Variants in VPS25 observed in about 807,000 individuals in gnomAD.
VPS25 encodes vacuolar protein sorting 25 homolog.
Under a neutral mutation model 30.3 loss-of-function variants are expected in VPS25, and 21 were observed. The observed-to-expected ratio is 0.69, with a 90% confidence interval of 0.49 to 1.00. VPS25 has a LOEUF of 1.00. Ranked by LOEUF, VPS25 falls within the 50% of genes least tolerant of loss-of-function variation. VPS25 has a pLI of 0.00. For missense variants in VPS25, 156 were observed against 217.2 expected, an observed-to-expected ratio of 0.72 and a Z score of 1.77; for synonymous variants, 101 against 88.1, an observed-to-expected ratio of 1.15 and a Z score of -0.82.
At chr17:42,776,528 A>C (rs375763816) in intron 5 of VPS25, among the ~76,000 whole-genome samples, 3 of 151,534 alleles carry the variant, frequency 2.0e-5, no homozygotes, top group African/African-American at 7.3e-5. Flanking sequence ...ACGCCTGGCT[A>C]ATTTTTTGTA....
intron 5 of VPS25, 146 bp downstream of exon 5, chr17:42,776,466 G>A (rs1020649671): frequency 7.4e-6 from 5 of 672,370 alleles, no homozygotes; most frequent in Middle Eastern, 4.4e-4. Context: ...AGGTTGAAGC[G>A]ATTCTCCTGC....
rs904037111 is a variant in VPS25 at position 42,775,362 on chromosome 17, A to G, written c.254-19A>G. 6.2e-7 allele frequency: 1 copy of G among 1,608,676 alleles called. No individual in the cohort carries two copies. The highest frequency in any genetic ancestry group is 8.5e-7 in the Non-Finnish European group (1 of 1,175,488). On this transcript the variant is annotated intron_variant, in intron 3 of 5. Transcript: ENST00000253794. ...CCACTGCGCGCCTGGTTATGCTTTCATAAGTATCTGTTTTACAGGGAACCT... is the reference window on the plus strand; with the variant it reads ...CCACTGCGCGCCTGGTTATGCTTTCGTAAGTATCTGTTTTACAGGGAACCT...
chr17:42,779,047 G>T lies in VPS25; in HGVS notation c.509G>T (p.Gly170Val), dbSNP rs11545382. The change falls in exon 6 of 6, where the codon GGC (glycine) becomes GTC (valine). Residue 170 changes from glycine to valine, a missense_variant. Coordinates refer to ENST00000253794, the MANE Select transcript of VPS25 (RefSeq NM_032353.4). ...GCCGAGATCATCACTGTCAGCGATG[G>T]CCGAGGCGTCAAGTTCTTCTAGCAG... ...HKAEIITVSD[G>V]RGVKFF 1.2e-6 allele frequency: 2 copies of T among 1,613,822 alleles called. No individual in the cohort carries two copies. Among genetic ancestry groups the T allele is most frequent in the Non-Finnish European group, 1.7e-6 (2 of 1,179,896 alleles).
At chr17:42,775,526 A>C in intron 4 of VPS25, 57 bp downstream of exon 4, 8 of 1,425,296 alleles carry the variant, frequency 5.6e-6, no homozygotes, top group Non-Finnish European at 6.9e-6. Context: ...GGTTAACTAT[A>C]TTAGGGCCTA....
chr17:42,775,263 C>A, intron 3 of VPS25, 118 bp from the exon 4 acceptor site: 1 of 695,702 alleles, frequency 1.4e-6, no homozygotes, highest in Non-Finnish European at 2.5e-6. Flanking sequence ...TGTAGGGTCT[C>A]ATCATGTTGC....
intron 2 of VPS25, 125 bp downstream of exon 2, chr17:42,774,003 C>T (rs748334497): frequency 8.5e-7 from 1 of 1,176,492 alleles, no homozygotes; most frequent in Middle Eastern, 2.0e-4. Flanking sequence ...CCAAACTGGA[C>T]TTAAAGAGTG....
At chr17:42,778,820 G>T in intron 5 of VPS25, 137 bp from the exon 6 acceptor site, 1 of 653,234 alleles carries the variant, frequency 1.5e-6, no homozygotes. Context: ...CCTGGGAAGT[G>T]TGGATGGCAG....
intron 3 of VPS25, 97 bp downstream of exon 3, chr17:42,774,796 C>T: frequency 3.5e-6 from 4 of 1,136,144 alleles, no homozygotes; most frequent in Non-Finnish European, 5.1e-6. Flanking sequence ...AACTTTTTCT[C>T]TCTCCTGGCT....
rs763768096 is a variant in VPS25, at chr17:42,774,638, T to A, written c.200-8T>A. The A allele has an allele frequency of 4.3e-6, 7 of 1,612,488 alleles. No homozygotes were observed. In the South Asian group the frequency reaches 6.6e-5, roughly 15 times the overall value. ...CATGTGTATGCCGTTCCCTTAACCT[T>A]AAACCAGGAAAGCTTCCTGTGGAGT... On this transcript the variant is annotated splice_region_variant and splice_polypyrimidine_tract_variant and intron_variant, in intron 2 of 5. Coordinates refer to ENST00000253794, the MANE Select transcript of VPS25 (RefSeq NM_032353.4).
At chr17:42,778,520 A>C (rs1220682062) in intron 5 of VPS25, among the ~76,000 whole-genome samples, 1 of 152,180 alleles carries the variant, frequency 6.6e-6, no homozygotes, top group Non-Finnish European at 1.5e-5. Flanking sequence ...AAGGGCAGAT[A>C]ATAGTGCTGG....
At chr17:42,774,540 T>C (rs933800704) in intron 2 of VPS25, 106 bp from the exon 3 acceptor site, 22 of 817,570 alleles carry the variant, frequency 2.7e-5, no homozygotes, top group African/African-American at 5.1e-5. Flanking sequence ...TGCACACATA[T>C]GTGTGTGGGA....
chr17:42,776,562 C>A (rs2054436895), intron 5 of VPS25, among the ~76,000 whole-genome samples: 1 of 151,946 alleles, frequency 6.6e-6, no homozygotes, highest in Non-Finnish European at 1.5e-5. Context: ...TGGGGTTTCA[C>A]CATGTTAGCC....
At chr17:42,778,708 G>C (rs1411914903) in intron 5 of VPS25, among the ~76,000 whole-genome samples, 3 of 152,322 alleles carry the variant, frequency 2.0e-5, no homozygotes, top group Middle Eastern at 3.4e-3. Flanking sequence ...TGCTAGGTGT[G>C]GGGGAGGCTG....
At chr17:42,774,458 A>T in intron 2 of VPS25, 188 bp from the exon 3 acceptor site, 1 of 449,332 alleles carries the variant, frequency 2.2e-6, no homozygotes, top group Non-Finnish European at 4.0e-6. Flanking sequence ...GCTCCTTTTA[A>T]TTGGAAGAGT....
chr17:42,776,397 C>G (rs2054435905), intron 5 of VPS25, 77 bp downstream of exon 5: 3 of 1,400,670 alleles, frequency 2.1e-6, no homozygotes, highest in Admixed American at 1.9e-5. Context: ...GAGTCTTGCT[C>G]TGTCACCCAG....
intron 3 of VPS25, chr17:42,775,046 C>CT (rs1370477062): frequency 5.6e-4 from 197 of 350,808 alleles, no homozygotes; most frequent in East Asian, 9.1e-4. Context: ...GTTCATGATA[C>CT]TTTTTTTTTG....
rs561022536 is a variant in VPS25 at position 42,779,291 on chromosome 17, C to T, written c.*222C>T. 21 of 501,360 alleles carry T rather than the reference C, an allele frequency of 4.2e-5. No individual in the cohort carries two copies. The East Asian group carries it at 4.3e-4, about 10-fold the overall frequency. The allele number at this position is 501,360 out of a possible 1,614,324, so 31.1% of individuals were successfully genotyped here. ...CAGGGAGAAAATATGTGCTTCTTCT[C>T]GCCCTACCTCCTTTCCCATCCTAGA... On this transcript the variant is annotated 3_prime_UTR_variant, in exon 6 of 6. Coordinates refer to ENST00000253794, the MANE Select transcript of VPS25 (RefSeq NM_032353.4).
At chr17:42,774,996 G>T in intron 3 of VPS25, 1 of 394,690 alleles carries the variant, frequency 2.5e-6, no homozygotes. Flanking sequence ...CTTCCACTCT[G>T]TCCCACCTTG....
intron 5 of VPS25, among the ~76,000 whole-genome samples, chr17:42,778,579 G>A (rs952006178): frequency 6.6e-5 from 10 of 152,200 alleles, no homozygotes; most frequent in African/African-American, 9.7e-5. Flanking sequence ...CTTTGTGTTA[G>A]GATAGATCCT....
Sources: allele counts gnomAD v4.1 joint callset (sites outside exome capture counted in the v4.1 genomes callset), GRCh38; gene constraint gnomAD v4.1.1; transcripts MANE v1.5; gene names NCBI Gene and HGNC (gene_info 2026-07-23, HGNC 2026-07-21).